The following AGPAT4 variants were observed in gnomAD, a reference collection of about 807,000 sequenced individuals.
The protein encoded by AGPAT4 is 1-acyl-sn-glycerol-3-phosphate acyltransferase delta.
AGPAT4 carries 15 observed loss-of-function variants against 48.0 expected under a neutral mutation model. That is an observed-to-expected ratio of 0.31 (90% confidence interval 0.21 to 0.48). The LOEUF (loss-of-function observed/expected upper bound fraction) is 0.48, where lower values mean the gene tolerates loss of function less well. Among genes scored for constraint, AGPAT4 ranks in the 20% least tolerant of loss-of-function variants. The pLI is 0.99. For synonymous variants in AGPAT4, 178 were observed against 198.7 expected (o/e 0.90, Z 0.88); for missense variants, 314 against 482.5 (o/e 0.65, Z 3.27).
rs554750250 is a variant in AGPAT4, at chr6:161,232,219, G to A, written c.-6C>T. ...AGCAGTCCCGCGAGGTCCATGATGC[G>A]TGGACGCTCTTATTCAGAAATAAAT... On this transcript the variant is annotated 5_prime_UTR_variant, in exon 2 of 9. In the 5' UTR this introduces an upstream ATG that the reference lacks. Coordinates refer to ENST00000320285, the MANE Select transcript of AGPAT4 (RefSeq NM_020133.3). The surrounding 1 kb of genome is among the most constrained non-coding windows in gnomAD (Gnocchi z 6.8). 87 of 1,612,300 alleles carry A rather than the reference G, an allele frequency of 5.4e-5. No homozygotes were observed. The highest frequency in any genetic ancestry group is 1.8e-4 in the East Asian group (8 of 44,860).
intron 1 of AGPAT4, among the ~76,000 whole-genome samples, chr6:161,239,035 T>G (rs1217402397): frequency 1.3e-5 from 2 of 152,182 alleles, no homozygotes; most frequent in African/African-American, 4.8e-5. Flanking sequence ...CACATAAGAA[T>G]ATGTTAAAGT....
intron 2 of AGPAT4, among the ~76,000 whole-genome samples, chr6:161,192,391 T>C (rs754255281): frequency 6.6e-6 from 1 of 152,188 alleles, no homozygotes; most frequent in Admixed American, 6.5e-5. Context: ...CCTCAGGTGA[T>C]CTGCCCACTT....
rs567693132 is a variant in AGPAT4, at chr6:161,267,591, G to A, written c.-90+6347C>T. 2.6e-5 allele frequency among the ~76,000 whole-genome samples: 4 copies of A among 151,916 alleles called. No homozygotes were observed. The highest frequency in any genetic ancestry group is 1.9e-4 in the East Asian group (1 of 5,160). ...AAAAAAATTAGCCAGGTGTGGTGGC[G>A]CACCCCTATAGTCCCAGCTACTCAG... On this transcript the variant is annotated intron_variant, in intron 1 of 8. Transcript: ENST00000320285. The surrounding 1 kb of genome is among the most constrained non-coding windows in gnomAD (Gnocchi z 5.2).
chr6:161,196,758 G>A lies in AGPAT4; in HGVS notation c.179-30341C>T, dbSNP rs182299566. ...TGGGAGGCGGAGATTGCAGTGAGCCGAGATCGTGCTACTGTACTCCAGCCT... is the reference window on the plus strand; with the variant it reads ...TGGGAGGCGGAGATTGCAGTGAGCCAAGATCGTGCTACTGTACTCCAGCCT... On this transcript the variant is annotated intron_variant, in intron 2 of 8. Transcript: ENST00000320285. The surrounding 1 kb of genome is among the most constrained non-coding windows in gnomAD (Gnocchi z 4.3). Among the ~76,000 whole-genome samples, 44 of 150,614 alleles carry A rather than the reference G, an allele frequency of 2.9e-4. No individual in the cohort carries two copies. The East Asian group carries it at 2.9e-3, about 10-fold the overall frequency.
At chr6:161,257,046 A>G (rs968485834) in intron 1 of AGPAT4, among the ~76,000 whole-genome samples, 1 of 152,218 alleles carries the variant, frequency 6.6e-6, no homozygotes, top group African/African-American at 2.4e-5. Context: ...CTTACTAAGA[A>G]TTTTCCTGTG....
rs1005799226 is a variant in AGPAT4, at chr6:161,242,980, T to C, written c.-89-10678A>G. ...CGGGAGACTGAAGCAGGAGAATTGATTGAACCCAGGAGGTGGAGGTTGCAG... is the reference window on the plus strand; with the variant it reads ...CGGGAGACTGAAGCAGGAGAATTGACTGAACCCAGGAGGTGGAGGTTGCAG... On this transcript the variant is annotated intron_variant, in intron 1 of 8. Transcript: ENST00000320285. This position sits in a 1 kb window ranked among gnomAD's most constrained non-coding sequence, Gnocchi z 5.0. 3.3e-5 allele frequency among the ~76,000 whole-genome samples: 5 copies of C among 152,038 alleles called. No individual in the cohort carries two copies. Among genetic ancestry groups the C allele is most frequent in the Non-Finnish European group, 7.4e-5 (5 of 68,008 alleles).
chr6:161,254,110 TTTCTAATTA>T lies in AGPAT4; in HGVS notation c.-90+19819_-90+19827del, dbSNP rs1582912092. ...TTTTCTTCTTTATGCTTCTCTGTAT[TTTCTAATTA>T]TTCTATCAAAAGTATTAACCACTTG... On this transcript the variant is annotated intron_variant, in intron 1 of 8. Transcript: ENST00000320285. This position sits in a 1 kb window ranked among gnomAD's most constrained non-coding sequence, Gnocchi z 5.9. Among the ~76,000 whole-genome samples, 7 of 152,370 alleles carry T rather than the reference TTTCTAATTA, an allele frequency of 4.6e-5. No homozygotes were observed. In the East Asian group the frequency reaches 1.3e-3, roughly 29 times the overall value.
chr6:161,194,586 G>GTGTA (rs10586792), intron 2 of AGPAT4, among the ~76,000 whole-genome samples: 24 of 151,624 alleles, frequency 1.6e-4, no homozygotes, highest in Middle Eastern at 3.4e-3. Flanking sequence ...GTGTATATAT[G>GTGTA]TGTATGTATG....
chr6:161,225,408 G>A lies in AGPAT4; in HGVS notation c.178+6628C>T, dbSNP rs1781949989. 6.6e-6 allele frequency among the ~76,000 whole-genome samples: 1 copy of A among 152,202 alleles called. No homozygotes were observed. Among genetic ancestry groups the A allele is most frequent in the East Asian group, 1.9e-4 (1 of 5,194 alleles). Reference sequence around the variant, plus strand: ...GTGTGCACTCACCATTGCTCCATCTGTAAGGGTGCACCCTTCTATAGAAGT... The same window carrying A: ...GTGTGCACTCACCATTGCTCCATCTATAAGGGTGCACCCTTCTATAGAAGT... On this transcript the variant is annotated intron_variant, in intron 2 of 8. Transcript: ENST00000320285. The surrounding 1 kb of genome is among the most constrained non-coding windows in gnomAD (Gnocchi z 5.0).
intron 1 of AGPAT4, among the ~76,000 whole-genome samples, chr6:161,253,800 A>G (rs1782870040): frequency 6.6e-6 from 1 of 152,146 alleles, no homozygotes; most frequent in South Asian, 2.1e-4. Context: ...GCGATTTTGA[A>G]ATGTTACATA....
chr6:161,154,308 G>C lies in AGPAT4; in HGVS notation c.351C>G (p.Gly117=). 1 of 1,614,126 alleles carries C rather than the reference G, an allele frequency of 6.2e-7. No homozygotes were observed. Among genetic ancestry groups the C allele is most frequent in the Admixed American group, 1.7e-5 (1 of 60,024 alleles). Residue 117 remains glycine (G), a splice_region_variant and synonymous_variant, in exon 4 of 9, where the codon GGC becomes GGG. Transcript: ENST00000320285. The surrounding 1 kb of genome is among the most constrained non-coding windows in gnomAD (Gnocchi z 7.8). ...GCTCTTTCTTGGCCAGGACCTTGGA[G>C]CCCTGAAACAGAAGAAGGAGCCCAG... is the stretch of plus-strand genomic sequence containing the variant. The part of the protein sequence containing the change: ...SLSERFGLLG[G]SKVLAKKELA...
At position 161,219,866 on chromosome 6, in the gene AGPAT4, G is replaced by GGC. The variant is rs1781765342; in HGVS notation, c.178+12169_178+12170insGC. ...AGATAGATAGATAGATAGATAGATA[G>GGC]ATAGATAGGCAGGCAGGCAGGCAGG... On this transcript the variant is annotated intron_variant, in intron 2 of 8. Transcript: ENST00000320285. The surrounding 1 kb of genome is among the most constrained non-coding windows in gnomAD (Gnocchi z 4.9). Among the ~76,000 whole-genome samples, 3 of 121,512 alleles carry GGC rather than the reference G, an allele frequency of 2.5e-5. No individual in the cohort carries two copies. The highest frequency in any genetic ancestry group is 8.6e-5 in the Admixed American group (1 of 11,666). The allele number at this position is 121,512 out of a possible 152,430, so 79.7% of individuals were successfully genotyped here.
chr6:161,136,444 G>T lies in AGPAT4; in HGVS notation c.*96C>A. ...CGTGACTTCCGCCGTGCCCAGCAGG[G>T]GCTCACCCAGCCTTTGTCACCGTGT... On this transcript the variant is annotated 3_prime_UTR_variant, in exon 9 of 9. Coordinates refer to ENST00000320285, the MANE Select transcript of AGPAT4 (RefSeq NM_020133.3). The T allele has an allele frequency of 8.7e-7, 1 of 1,151,682 alleles. No homozygotes were observed. The allele number at this position is 1,151,682 out of a possible 1,614,324, so 71.3% of individuals were successfully genotyped here. A position where few individuals can be genotyped will look rare whatever the true frequency, so the allele number is the denominator to read the frequency against.
In AGPAT4 at chr6:161,214,079, T is replaced by C. The variant is rs1272539156; in HGVS notation, c.178+17957A>G. Among the ~76,000 whole-genome samples the C allele has an allele frequency of 1.3e-5, 2 of 152,174 alleles. No individual in the cohort carries two copies. The highest frequency in any genetic ancestry group is 2.9e-5 in the Non-Finnish European group (2 of 68,034). On this transcript the variant is annotated intron_variant, in intron 2 of 8. Coordinates refer to ENST00000320285, the MANE Select transcript of AGPAT4 (RefSeq NM_020133.3). The surrounding 1 kb of genome is among the most constrained non-coding windows in gnomAD (Gnocchi z 5.4). ...TGAGATAAATGCATATCTTACTGCC[T>C]CCTTTGGAGAGGCTCATCAGAAACT...
chr6:161,170,423 GT>G (rs1780230763), intron 2 of AGPAT4, among the ~76,000 whole-genome samples: 1 of 151,788 alleles, frequency 6.6e-6, no homozygotes, highest in East Asian at 2.0e-4. Flanking sequence ...TAGTCTTATA[GT>G]TTTTTCCCCT....
At chr6:161,157,505 G>T (rs1779796286) in intron 3 of AGPAT4, among the ~76,000 whole-genome samples, 1 of 152,146 alleles carries the variant, frequency 6.6e-6, no homozygotes, top group South Asian at 2.1e-4. Flanking sequence ...TAGACACAGG[G>T]TCTTACCATG....
Position 161,154,021 on chromosome 6 carries a change from A to T in AGPAT4, c.510+128T>A. On this transcript the variant is annotated intron_variant, in intron 4 of 8. Coordinates refer to ENST00000320285, the MANE Select transcript of AGPAT4 (RefSeq NM_020133.3). This position sits in a 1 kb window ranked among gnomAD's most constrained non-coding sequence, Gnocchi z 7.8. Reference sequence around the variant, plus strand: ...CATCCCTGAGGTTATACACAGCCCTATGGTCACACACAGCCCTGGAGTCGC... The same window carrying T: ...CATCCCTGAGGTTATACACAGCCCTTTGGTCACACACAGCCCTGGAGTCGC... 1 of 1,244,504 alleles carries T rather than the reference A, an allele frequency of 8.0e-7. No homozygotes were observed. Among genetic ancestry groups the T allele is most frequent in the East Asian group, 2.5e-5 (1 of 40,250 alleles). 77.1% of individuals were successfully genotyped at this position (1,244,504 alleles called of 1,614,324 possible).
rs1294491516 is a variant in AGPAT4 at position 161,164,866 on chromosome 6, G to A, written c.348+1382C>T. 6.6e-6 allele frequency among the ~76,000 whole-genome samples: 1 copy of A among 152,142 alleles called. No individual in the cohort carries two copies. Among genetic ancestry groups the A allele is most frequent in the African/African-American group, 2.4e-5 (1 of 41,420 alleles). ...CACATTCTAAGCATGAACACTACCAGAAAGTACTTACAAAGCCTGGAAAAT... is the reference window on the plus strand; with the variant it reads ...CACATTCTAAGCATGAACACTACCAAAAAGTACTTACAAAGCCTGGAAAAT... On this transcript the variant is annotated intron_variant, in intron 3 of 8. Transcript: ENST00000320285. The surrounding 1 kb of genome is among the most constrained non-coding windows in gnomAD (Gnocchi z 7.4).
Position 161,254,589 on chromosome 6 carries a change from A to C in AGPAT4, c.-90+19349T>G, listed in dbSNP as rs2114739685. ...CACTCCTCTGCTTACAGTAAGAAAT[A>C]ACTAAGTATTGGGAAATCGAGGAGA... On this transcript the variant is annotated intron_variant, in intron 1 of 8. Coordinates refer to ENST00000320285, the MANE Select transcript of AGPAT4 (RefSeq NM_020133.3). The surrounding 1 kb of genome is among the most constrained non-coding windows in gnomAD (Gnocchi z 5.9). 6.6e-6 allele frequency among the ~76,000 whole-genome samples: 1 copy of C among 152,328 alleles called. No homozygotes were observed. The highest frequency in any genetic ancestry group is 2.1e-4 in the South Asian group (1 of 4,828).
Sources: gnomAD v4.1 joint callset for allele counts (sites outside exome capture counted in the v4.1 genomes callset) on GRCh38, gnomAD v4.1.1 for gene constraint, Gnocchi (gnomAD v3.1) non-coding constraint, MANE v1.5 for transcripts, NCBI Gene and HGNC (gene_info 2026-07-23, HGNC 2026-07-21) for gene names.